The following NELL1 variants were observed in gnomAD, a reference collection of about 807,000 sequenced individuals.
The protein encoded by NELL1 is neural EGFL like 1, also known as protein kinase C-binding protein NELL1.
Under a neutral mutation model 107.4 loss-of-function variants are expected in NELL1, and 76 were observed. That is an observed-to-expected ratio of 0.71 (90% CI 0.59 to 0.86). The LOEUF (loss-of-function observed/expected upper bound fraction) is 0.86, where lower values mean the gene tolerates loss of function less well. NELL1 is among the 40% of genes least tolerant of loss of function. The pLI is 0.00. For missense variants in NELL1, 1,024 were observed against 1,005.5 expected, an observed-to-expected ratio of 1.02 and a Z score of -0.25; for synonymous variants, 353 against 341.2, an observed-to-expected ratio of 1.03 and a Z score of -0.38.
chr11:21,423,551 C>A (rs1852745969), intron 15 of NELL1, among the ~76,000 whole-genome samples: 1 of 152,022 alleles, frequency 6.6e-6, no homozygotes, highest in Admixed American at 6.6e-5. Flanking sequence ...TCATACCCCA[C>A]TCTCAGTAAA....
intron 14 of NELL1, among the ~76,000 whole-genome samples, chr11:21,246,956 TCC>T (rs2133905057): frequency 6.6e-6 from 1 of 152,206 alleles, no homozygotes; most frequent in African/African-American, 2.4e-5. Context: ...TCCTACTGGG[TCC>T]CTCCCACAAC....
rs1856473251 is a variant in NELL1 at position 21,547,549 on chromosome 11, A to G, written c.1787-12640A>G. The stretch of plus-strand genomic sequence containing the variant: ...TTGTTGTGAAAATGTGATCATTTGT[A>G]AAGAAGTCACAATTTTTAATATGAC... On this transcript the variant is annotated intron_variant, in intron 16 of 19. Transcript: ENST00000357134. 3.3e-5 allele frequency among the ~76,000 whole-genome samples: 5 copies of G among 152,084 alleles called. No homozygotes were observed. The South Asian group carries it at 6.2e-4, about 19-fold the overall frequency.
At chr11:21,385,815 C>T (rs1217085196) in intron 15 of NELL1, among the ~76,000 whole-genome samples, 1 of 151,844 alleles carries the variant, frequency 6.6e-6, no homozygotes, top group African/African-American at 2.4e-5. Flanking sequence ...AATCAATATT[C>T]CTCCTGCACT....
chr11:20,950,997 C>T (rs1851058800), intron 11 of NELL1, among the ~76,000 whole-genome samples: 1 of 152,218 alleles, frequency 6.6e-6, no homozygotes. Flanking sequence ...GGTATCATTC[C>T]TCAGAAGTCT....
At chr11:21,351,859 A>T (rs539173378) in intron 14 of NELL1, among the ~76,000 whole-genome samples, 1 of 152,300 alleles carries the variant, frequency 6.6e-6, no homozygotes, top group East Asian at 1.9e-4. Context: ...ACATAATGTC[A>T]TTCTGTAGCA....
chr11:21,246,024 T>G (rs16907774), intron 14 of NELL1, among the ~76,000 whole-genome samples: 25,974 of 150,358 alleles, frequency 0.17, 2,281 homozygotes, highest in East Asian at 0.25. Context: ...ATACAAATTG[T>G]TTTTTTTTGA....
intron 15 of NELL1, among the ~76,000 whole-genome samples, chr11:21,379,116 T>C (rs1249915408): frequency 6.6e-6 from 1 of 152,090 alleles, no homozygotes; most frequent in Admixed American, 6.6e-5. Context: ...TTATTTATAG[T>C]GGTACAGACA....
In NELL1 at chr11:21,317,606, G is replaced by A. The variant is rs751910755; in HGVS notation, c.1550-53247G>A. Among the ~76,000 whole-genome samples, 17 of 151,748 alleles carry A rather than the reference G, an allele frequency of 1.1e-4. No individual in the cohort carries two copies. The South Asian group carries it at 1.5e-3, about 13-fold the overall frequency. On this transcript the variant is annotated intron_variant, in intron 14 of 19. Coordinates refer to ENST00000357134, the MANE Select transcript of NELL1 (RefSeq NM_006157.5). ...CAGGACAGCGCAGACCCTTCCTTGC[G>A]GCATTTGACAGCATATAGATAAGTA...
rs367797851 is a variant in NELL1 at position 21,569,539 on chromosome 11, G to A, written c.1981-1225G>A. On this transcript the variant is annotated intron_variant, in intron 17 of 19. Transcript: ENST00000357134. ...AGAGAAGGCAACTATGACAGTGAAA[G>A]GATTATAAATGATGGGGACTGGTCA... 1.6e-4 allele frequency among the ~76,000 whole-genome samples: 25 copies of A among 151,834 alleles called. No homozygotes were observed. In the East Asian group the frequency reaches 2.5e-3, roughly 15 times the overall value.
chr11:21,165,834 G>A (rs1856468797), intron 13 of NELL1, among the ~76,000 whole-genome samples: 2 of 147,426 alleles, frequency 1.4e-5, no homozygotes, highest in East Asian at 4.0e-4. Context: ...ATGATCTTGG[G>A]TCACTGCAAC....
At chr11:21,342,602 C>T (rs757344613) in intron 14 of NELL1, among the ~76,000 whole-genome samples, 1 of 147,578 alleles carries the variant, frequency 6.8e-6, no homozygotes, top group Non-Finnish European at 1.5e-5. Flanking sequence ...CATGATCATG[C>T]CACTGCACTC....
At chr11:21,538,149 C>T (rs1856186231) in intron 16 of NELL1, among the ~76,000 whole-genome samples, 2 of 151,986 alleles carry the variant, frequency 1.3e-5, no homozygotes, top group Non-Finnish European at 2.9e-5. Context: ...GTAGCATATA[C>T]TCAGCTATGT....
chr11:20,677,907 C>G, intron 1 of NELL1, 25 bp from the exon 2 acceptor site: 2 of 1,612,604 alleles, frequency 1.2e-6, no homozygotes, highest in Non-Finnish European at 1.7e-6. Flanking sequence ...ATTTTAAGCC[C>G]AAACAACTCT....
chr11:21,108,542 C>T (rs1004323262), intron 12 of NELL1, among the ~76,000 whole-genome samples: 2 of 152,020 alleles, frequency 1.3e-5, no homozygotes, highest in Non-Finnish European at 2.9e-5. Flanking sequence ...GCAATTTAAG[C>T]CCCATTATAC....
chr11:20,980,296 A>T (rs1476570345), intron 12 of NELL1, among the ~76,000 whole-genome samples: 1 of 152,170 alleles, frequency 6.6e-6, no homozygotes, highest in Non-Finnish European at 1.5e-5. Flanking sequence ...ATAGGGGACT[A>T]TGCAGTAGAT....
intron 2 of NELL1, among the ~76,000 whole-genome samples, chr11:20,696,892 G>A (rs1206100506): frequency 6.6e-6 from 1 of 152,164 alleles, no homozygotes; most frequent in Non-Finnish European, 1.5e-5. Flanking sequence ...TAAAACAAAA[G>A]TGAGGTATGG....
At chr11:20,930,117 C>T (rs949681225) in intron 9 of NELL1, among the ~76,000 whole-genome samples, 3 of 151,990 alleles carry the variant, frequency 2.0e-5, no homozygotes, top group East Asian at 1.9e-4. Context: ...ATGAGTCCTT[C>T]GGCAGGTTTG....
rs573608527 is a variant in NELL1, at chr11:21,091,362, C to T, written c.1301-22227C>T. Among the ~76,000 whole-genome samples the T allele has an allele frequency of 4.9e-4, 75 of 152,112 alleles. 1 individual carries two copies. The highest frequency in any genetic ancestry group is 9.4e-4 in the Non-Finnish European group (64 of 68,032). Reference sequence around the variant, plus strand: ...TTTAAATAACTCAGTTATGTGAGAACGGGGACTCAGCGAATAAAGTTATTT... The same window carrying T: ...TTTAAATAACTCAGTTATGTGAGAATGGGGACTCAGCGAATAAAGTTATTT... On this transcript the variant is annotated intron_variant, in intron 12 of 19. Coordinates refer to ENST00000357134, the MANE Select transcript of NELL1 (RefSeq NM_006157.5).
chr11:21,074,025 T>G (rs1248039934), intron 12 of NELL1, among the ~76,000 whole-genome samples: 2 of 152,110 alleles, frequency 1.3e-5, no homozygotes, highest in East Asian at 3.9e-4. Flanking sequence ...AAATTGGAAT[T>G]ATATACTGGA....
Sources: gnomAD v4.1 joint callset for allele counts (sites outside exome capture counted in the v4.1 genomes callset) on GRCh38, gnomAD v4.1.1 for gene constraint, MANE v1.5 for transcripts, NCBI Gene and HGNC (gene_info 2026-07-23, HGNC 2026-07-21) for gene names.